Variants in CPAMD8 observed in about 807,000 individuals in gnomAD.
CPAMD8 encodes C3 and PZP-like alpha-2-macroglobulin domain-containing protein 8.
A neutral mutation model predicts 224.7 loss-of-function variants in CPAMD8; 146 were observed. The observed-to-expected ratio is 0.65, with a 90% confidence interval of 0.57 to 0.75. CPAMD8 has a LOEUF of 0.75. CPAMD8 is among the 30% of genes least tolerant of loss of function. The pLI is 0.00. For synonymous variants in CPAMD8, 966 were observed against 1,044.6 expected (o/e 0.92, Z 1.45); for missense variants, 2,301 against 2,537.5 (o/e 0.91, Z 2.00).
chr19:16,963,433 A>G (rs1348415413), intron 18 of CPAMD8, among the ~76,000 whole-genome samples: 1 of 152,222 alleles, frequency 6.6e-6, no homozygotes, highest in Non-Finnish European at 1.5e-5. Flanking sequence ...ACAAAGATCA[A>G]AAGAGACAAA....
chr19:16,906,052 G>A lies in CPAMD8; in HGVS notation c.4027+900C>T, dbSNP rs148865396. Reference sequence around the variant, plus strand: ...AAGCCTGGCCGGAGGCGGGGGATGCGTTCTCTGCTGGGGATCCCTCTCTGA... The same window carrying A: ...AAGCCTGGCCGGAGGCGGGGGATGCATTCTCTGCTGGGGATCCCTCTCTGA... On this transcript the variant is annotated intron_variant, in intron 30 of 41. Transcript: ENST00000443236. Among the ~76,000 whole-genome samples the A allele has an allele frequency of 4.9e-3, 739 of 152,236 alleles. 9 individuals carry two copies. The highest frequency in any genetic ancestry group is 0.017 in the African/African-American group (704 of 41,528).
intron 20 of CPAMD8, among the ~76,000 whole-genome samples, chr19:16,948,922 G>A (rs2054206828): frequency 1.0e-5 from 1 of 97,904 alleles, no homozygotes; most frequent in Non-Finnish European, 2.1e-5. Context: ...GGAAAGGAAG[G>A]GGAGTGGAGG....
chr19:16,965,538 G>A (rs2054801496), intron 18 of CPAMD8, among the ~76,000 whole-genome samples: 1 of 152,162 alleles, frequency 6.6e-6, no homozygotes, highest in Admixed American at 6.6e-5. Context: ...ATCAGGAAAA[G>A]AGGAAGTCAA....
rs1424834872 is a variant in CPAMD8, at chr19:16,898,044, G to A, written c.4849-50C>T. 7.1e-7 allele frequency: 1 copy of A among 1,405,744 alleles called. No individual in the cohort carries two copies. Among genetic ancestry groups the A allele is most frequent in the Non-Finnish European group, 9.8e-7 (1 of 1,022,306 alleles). 87.1% of individuals were successfully genotyped at this position (1,405,744 alleles called of 1,614,324 possible). ...CTCGACCCGGGCCAGGAGGCCCGGG[G>A]CGCTGAGCTCAGGCCCAGAACTGGC... On this transcript the variant is annotated intron_variant, in intron 37 of 41. Coordinates refer to ENST00000443236, the MANE Select transcript of CPAMD8 (RefSeq NM_015692.5). The surrounding 1 kb of genome is among the most constrained non-coding windows in gnomAD (Gnocchi z 4.2).
chr19:16,949,055 G>A (rs7252309), intron 20 of CPAMD8, among the ~76,000 whole-genome samples: 38,639 of 137,750 alleles, frequency 0.28, 5,890 homozygotes, highest in African/African-American at 0.43. Flanking sequence ...GACGGGAGGG[G>A]GGGAGGGAGG....
At chr19:16,965,748 A>T (rs935587239) in intron 18 of CPAMD8, among the ~76,000 whole-genome samples, 13 of 152,278 alleles carry the variant, frequency 8.5e-5, no homozygotes, top group Non-Finnish European at 1.8e-4. Context: ...CACAATTGCT[A>T]CAAAGATAAT....
At chr19:17,009,386 C>T (rs537215614) in intron 5 of CPAMD8, 66 bp from the exon 6 acceptor site, 2 of 1,612,568 alleles carry the variant, frequency 1.2e-6, no homozygotes, top group South Asian at 1.1e-5. Context: ...TCAACATGCT[C>T]ATGCATGGCC....
intron 7 of CPAMD8, among the ~76,000 whole-genome samples, chr19:17,006,549 T>C (rs1198885041): frequency 1.3e-5 from 2 of 152,034 alleles, no homozygotes; most frequent in South Asian, 2.1e-4. Flanking sequence ...AAAAAAACTT[T>C]TTAAAAAAAG....
intron 29 of CPAMD8, chr19:16,907,458 A>G (rs2052568051): frequency 6.2e-6 from 1 of 160,106 alleles, no homozygotes; most frequent in Non-Finnish European, 1.4e-5. Context: ...AAATACAAAA[A>G]TTAGCTGGGC....
intron 30 of CPAMD8, among the ~76,000 whole-genome samples, chr19:16,906,386 CTTT>C (rs1568459557): frequency 0.01 from 761 of 75,302 alleles, 3 homozygotes; most frequent in Non-Finnish European, 0.017. Context: ...TTCTTTCTTT[CTTT>C]CTTTCTTTCT....
chr19:16,923,319 TGA>T (rs890557116), intron 26 of CPAMD8, among the ~76,000 whole-genome samples: 1 of 152,110 alleles, frequency 6.6e-6, no homozygotes, highest in Non-Finnish European at 1.5e-5. Flanking sequence ...TGTGCAATGA[TGA>T]GTTTGGACCC....
At chr19:16,940,692 C>G (rs2122173229) in intron 22 of CPAMD8, among the ~76,000 whole-genome samples, 1 of 152,322 alleles carries the variant, frequency 6.6e-6, no homozygotes, top group South Asian at 2.1e-4. Flanking sequence ...AGGGTTGGTG[C>G]TGAGAGGCTG....
chr19:16,957,007 A>T (rs1010261364), intron 19 of CPAMD8, among the ~76,000 whole-genome samples: 1 of 152,204 alleles, frequency 6.6e-6, no homozygotes, highest in Non-Finnish European at 1.5e-5. Context: ...CAATAAAAAA[A>T]GCTCACCAGA....
chr19:17,024,037 A>G (rs545279725), intron 1 of CPAMD8, among the ~76,000 whole-genome samples: 2 of 152,350 alleles, frequency 1.3e-5, no homozygotes, highest in Admixed American at 1.3e-4. Context: ...ACAAAGGAGA[A>G]AGTCATTGCA....
intron 30 of CPAMD8, among the ~76,000 whole-genome samples, chr19:16,906,337 C>CCTTTCTTTCTTTCTTTCTTTCTTTCTTT (rs35867251): frequency 2.4e-5 from 2 of 81,672 alleles, no homozygotes; most frequent in Non-Finnish European, 5.1e-5. Context: ...TCCTTCTTTC[C>CCTTTCTTTCTTTCTTTCTTTCTTTCTTT]CTTTCTTTCT....
chr19:16,989,602 A>G (rs372659666), intron 13 of CPAMD8, 41 bp downstream of exon 13: 247 of 1,591,808 alleles, frequency 1.6e-4, no homozygotes, highest in Middle Eastern at 1.9e-4. Context: ...TGCTTTTTGG[A>G]TCCCGCATGG....
At chr19:17,021,073 A>G (rs1328955576) in intron 2 of CPAMD8, among the ~76,000 whole-genome samples, 1 of 152,132 alleles carries the variant, frequency 6.6e-6, no homozygotes, top group East Asian at 1.9e-4. Context: ...GGTCATAGTG[A>G]TTGGCTCAGG....
intron 11 of CPAMD8, among the ~76,000 whole-genome samples, chr19:16,995,369 G>C (rs1486658326): frequency 2.6e-5 from 4 of 152,212 alleles, no homozygotes; most frequent in African/African-American, 9.6e-5. Flanking sequence ...TGCAATTGGG[G>C]TGAAGATGCC....
chr19:16,969,460 T>G (rs1465938862), intron 18 of CPAMD8, among the ~76,000 whole-genome samples: 2 of 152,192 alleles, frequency 1.3e-5, no homozygotes. Context: ...ACTCAATGTT[T>G]GCATCCCCCT....
Sources: gnomAD v4.1 joint callset for allele counts (sites outside exome capture counted in the v4.1 genomes callset) on GRCh38, gnomAD v4.1.1 for gene constraint, Gnocchi (gnomAD v3.1) non-coding constraint, MANE v1.5 for transcripts, NCBI Gene and HGNC (gene_info 2026-07-23, HGNC 2026-07-21) for gene names.